The following TSPAN6 variants were observed in gnomAD, a reference collection of about 807,000 sequenced individuals.
The protein encoded by TSPAN6 is tetraspanin 6.
TSPAN6 carries 13 observed loss-of-function variants against 18.0 expected under a neutral mutation model. The observed-to-expected ratio is 0.72, with a 90% CI of 0.47 to 1.15. TSPAN6 has a LOEUF of 1.15. Among genes scored for constraint, TSPAN6 ranks in the 50% most tolerant of loss-of-function variants. The probability of loss-of-function intolerance (pLI) is 0.00; values close to 1 mark genes in which losing one functional copy is unlikely to be tolerated. For synonymous variants in TSPAN6, 82 were observed against 67.0 expected (o/e 1.22, Z -1.09); for missense variants, 186 against 183.9 (o/e 1.01, Z -0.07).
chrX:100,635,395 C>T, intron 2 of TSPAN6, 143 bp from the exon 3 acceptor site: 3 of 653,485 alleles, frequency 4.6e-6, no homozygotes, highest in Non-Finnish European at 6.9e-6. Context: ...AACAACATGT[C>T]TATTTTGAAA....
At chrX:100,633,179 C>T (rs762476388) in intron 5 of TSPAN6, among the ~76,000 whole-genome samples, 6 of 110,854 alleles carry the variant, frequency 5.4e-5, no homozygotes, top group Admixed American at 1.9e-4. Flanking sequence ...ATTAGCCAGG[C>T]GTGGTGGTGG....
In TSPAN6 at chrX:100,630,761, T is replaced by A; in HGVS notation, c.*37A>T. On this transcript the variant is annotated splice_region_variant and 3_prime_UTR_variant, in exon 7 of 8. Transcript: ENST00000373020. Reference sequence around the variant, plus strand: ...GCTGAGGACCAAAATGAACGCACCTTAAAGGTAGAGAGGAATAGGCCCACA... The same window carrying A: ...GCTGAGGACCAAAATGAACGCACCTAAAAGGTAGAGAGGAATAGGCCCACA... 8.4e-7 allele frequency: 1 copy of A among 1,193,289 alleles called. No homozygotes were observed. The highest frequency in any genetic ancestry group is 1.1e-6 in the Non-Finnish European group (1 of 881,525).
intron 7 of TSPAN6, among the ~76,000 whole-genome samples, 200 bp downstream of exon 7, chrX:100,630,559 T>C (rs1454908836): frequency 8.9e-6 from 1 of 112,255 alleles, no homozygotes; most frequent in African/African-American, 3.2e-5. Context: ...CATGCATAGA[T>C]AAGCTGTAGC....
In TSPAN6 at chrX:100,631,574, G is replaced by A. The variant is rs746742788; in HGVS notation, c.670-708C>T. Among the ~76,000 whole-genome samples, 3 of 111,926 alleles carry A rather than the reference G, an allele frequency of 2.7e-5. No homozygotes were observed. The South Asian group carries it at 1.1e-3, about 42-fold the overall frequency. ...TGGGAAACACAATTTGATCTACAAC[G>A]TGGAATCAACCCCAAACAACTGGTG... On this transcript the variant is annotated intron_variant, in intron 6 of 7. Coordinates refer to ENST00000373020, the MANE Select transcript of TSPAN6 (RefSeq NM_003270.4).
chrX:100,634,172 T>G (rs2083078948), intron 3 of TSPAN6, 143 bp from the exon 4 acceptor site: 3 of 427,211 alleles, frequency 7.0e-6, no homozygotes, highest in Admixed American at 3.9e-5. Flanking sequence ...GGTACAGTCC[T>G]GTCCTCTAAG....
rs1050153393 is a variant in TSPAN6, at chrX:100,636,537, G to A, written c.87+71C>T. The A allele has an allele frequency of 1.3e-5, 14 of 1,115,199 alleles. No individual in the cohort carries two copies. In the African/African-American group the frequency reaches 1.3e-4, roughly 10 times the overall value. 91.9% of individuals were successfully genotyped at this position (1,115,199 alleles called of 1,213,427 possible). A position where few individuals can be genotyped will look rare whatever the true frequency, so the allele number is the denominator to read the frequency against. Reference sequence around the variant, plus strand: ...ACCGTTCCCGACCTGAGCTCCCGCCGCTCAGGGTCACACCCCCCACAACTA... The same window carrying A: ...ACCGTTCCCGACCTGAGCTCCCGCCACTCAGGGTCACACCCCCCACAACTA... On this transcript the variant is annotated intron_variant, in intron 1 of 7. Transcript: ENST00000373020.
intron 4 of TSPAN6, 82 bp from the exon 5 acceptor site, chrX:100,633,621 T>G: frequency 2.1e-6 from 2 of 961,712 alleles, no homozygotes; most frequent in Non-Finnish European, 2.8e-6. Flanking sequence ...CTATTGCAAT[T>G]TGTGCTCAAA....
intron 3 of TSPAN6, among the ~76,000 whole-genome samples, chrX:100,634,260 G>A (rs1482573916): frequency 9.0e-6 from 1 of 111,244 alleles, no homozygotes; most frequent in Non-Finnish European, 1.9e-5. Flanking sequence ...TCAAAGTGCT[G>A]TGGGAATATG....
chrX:100,636,768 T>A lies in TSPAN6; in HGVS notation c.-74A>T, dbSNP rs921409520. 2 of 1,075,760 alleles carry A rather than the reference T, an allele frequency of 1.9e-6. No homozygotes were observed. The highest frequency in any genetic ancestry group is 3.8e-5 in the African/African-American group (2 of 52,476). 88.7% of individuals were successfully genotyped at this position (1,075,760 alleles called of 1,213,427 possible). On this transcript the variant is annotated 5_prime_UTR_variant, in exon 1 of 8. Coordinates refer to ENST00000373020, the MANE Select transcript of TSPAN6 (RefSeq NM_003270.4). The stretch of plus-strand genomic sequence containing the variant: ...GAGCGAGACGCGGAGTCCCCGAGTC[T>A]CCCCGGAAACTGCCGAAAACTTACG...
At chrX:100,632,976 C>T (rs933472570) in intron 5 of TSPAN6, among the ~76,000 whole-genome samples, 2 of 111,045 alleles carry the variant, frequency 1.8e-5, no homozygotes, top group East Asian at 5.6e-4. Flanking sequence ...ACTTGCTGGC[C>T]GTCTGAACTC....
intron 6 of TSPAN6, among the ~76,000 whole-genome samples, chrX:100,631,100 C>T (rs1234649360): frequency 2.7e-5 from 3 of 112,084 alleles, no homozygotes; most frequent in Non-Finnish European, 5.6e-5. Context: ...AGCAAACTCA[C>T]TCAAGGAAAA....
intron 5 of TSPAN6, 56 bp from the exon 6 acceptor site, chrX:100,632,624 T>C: frequency 2.5e-6 from 2 of 815,173 alleles, no homozygotes; most frequent in Non-Finnish European, 3.6e-6. Context: ...TGTGCTTTTC[T>C]TTATGGTAAT....
chrX:100,635,220 G>C lies in TSPAN6; in HGVS notation c.309C>G (p.Val103=). The C allele has an allele frequency of 1.7e-6, 2 of 1,198,277 alleles. No individual in the cohort carries two copies. The highest frequency in any genetic ancestry group is 2.3e-6 in the Non-Finnish European group (2 of 888,046). Residue 103 remains valine, a synonymous_variant, in exon 3 of 8, where the codon GTC becomes GTG. Transcript: ENST00000373020. ...ATCCTACGATGGCAGCGACCAGTTCGACCAAAAAAACGAGAGTCAGAAACA... is the reference window on the plus strand; with the variant it reads ...ATCCTACGATGGCAGCGACCAGTTCCACCAAAAAAACGAGAGTCAGAAACA... ...YAMFLTLVFL[V]ELVAAIVGFV...
In TSPAN6 at chrX:100,628,752, C is replaced by CT. The variant is rs1410718454; in HGVS notation, c.*1273dup. 9.0e-6 allele frequency: 1 copy of CT among 111,656 alleles called. No homozygotes were observed. The highest frequency in any genetic ancestry group is 1.9e-5 in the Non-Finnish European group (1 of 53,132). The allele number at this position is 111,656 out of a possible 1,213,427, so 9.2% of individuals were successfully genotyped here. On this transcript the variant is annotated 3_prime_UTR_variant, in exon 8 of 8. Transcript: ENST00000373020. ...AGAACAGTTTTTTTTAATATTTGCA[C>CT]TTTAAGATTTTTTTGTTTACATTAA...
chrX:100,628,699 A>G lies in TSPAN6; in HGVS notation c.*1327T>C, dbSNP rs1375367377. On this transcript the variant is annotated 3_prime_UTR_variant, in exon 8 of 8. Coordinates refer to ENST00000373020, the MANE Select transcript of TSPAN6 (RefSeq NM_003270.4). Reference sequence around the variant, plus strand: ...GAGAACACTAGTCATATGCTACTTTATAACATGGAATATAATTTTTTTCAC... The same window carrying G: ...GAGAACACTAGTCATATGCTACTTTGTAACATGGAATATAATTTTTTTCAC... 1 of 112,225 alleles carries G rather than the reference A, an allele frequency of 8.9e-6. No homozygotes were observed. The highest frequency in any genetic ancestry group is 3.2e-5 in the African/African-American group (1 of 30,911). 9.2% of individuals were successfully genotyped at this position (112,225 alleles called of 1,213,427 possible).
intron 4 of TSPAN6, 126 bp from the exon 5 acceptor site, chrX:100,633,665 T>C (rs1206570269): frequency 9.3e-6 from 7 of 754,123 alleles, no homozygotes; most frequent in East Asian, 3.4e-5. Flanking sequence ...CTCTCCTCAA[T>C]TGATTCAAGA....
At position 100,636,719 on chromosome X, in the gene TSPAN6, C is replaced by G; in HGVS notation, c.-25G>C. On this transcript the variant is annotated 5_prime_UTR_variant, in exon 1 of 8. Coordinates refer to ENST00000373020, the MANE Select transcript of TSPAN6 (RefSeq NM_003270.4). ...TGACTAGCCCGAGACCCTGCACCAC[C>G]GCACCGGGCGATTGGAACACAGAGA... 2 of 1,180,598 alleles carry G rather than the reference C, an allele frequency of 1.7e-6. No homozygotes were observed. Among genetic ancestry groups the G allele is most frequent in the African/African-American group, 1.8e-5 (1 of 56,835 alleles).
At chrX:100,636,318 G>C (rs1454731981) in intron 1 of TSPAN6, 1 of 909,654 alleles carries the variant, frequency 1.1e-6, no homozygotes, top group Admixed American at 6.0e-5. Flanking sequence ...GCGTGCTCTG[G>C]GGGCTTAAGG....
intron 5 of TSPAN6, 76 bp downstream of exon 5, chrX:100,633,329 T>C: frequency 9.4e-7 from 1 of 1,068,488 alleles, no homozygotes; most frequent in Non-Finnish European, 1.3e-6. Flanking sequence ...AAAAAAAAAA[T>C]TAAAAACTGG....
Sources: gnomAD v4.1 joint callset for allele counts (sites outside exome capture counted in the v4.1 genomes callset) on GRCh38, gnomAD v4.1.1 for gene constraint, MANE v1.5 for transcripts, NCBI Gene and HGNC (gene_info 2026-07-23, HGNC 2026-07-21) for gene names.